VPS13A: variants seen among roughly 807,000 people sequenced by gnomAD.
VPS13A encodes the protein vacuolar protein sorting 13 homolog A.
VPS13A carries 264 observed loss-of-function variants against 390.9 expected under a neutral mutation model. That is an observed-to-expected ratio of 0.68 (90% CI 0.61 to 0.75). The LOEUF is 0.75. Among genes scored for constraint, VPS13A ranks in the 30% least tolerant of loss-of-function variants. The pLI is 0.00. For synonymous variants in VPS13A, 1,231 were observed against 1,227.1 expected, an observed-to-expected ratio of 1.00 and a Z score of -0.07; for missense variants, 3,409 against 3,733.9, an observed-to-expected ratio of 0.91 and a Z score of 2.27.
chr9:77,398,321 G>A (rs1301939818), intron 68 of VPS13A, among the ~76,000 whole-genome samples: 1 of 152,142 alleles, frequency 6.6e-6, no homozygotes, highest in Non-Finnish European at 1.5e-5. Flanking sequence ...GGAATTAGAA[G>A]TGAAGAATCC....
At chr9:77,314,378 A>G in intron 36 of VPS13A, 117 bp from the exon 37 acceptor site, 1 of 1,132,888 alleles carries the variant, frequency 8.8e-7, no homozygotes, top group Non-Finnish European at 1.3e-6. Flanking sequence ...AGCCCTTCGG[A>G]GACAGAATTT....
intron 45 of VPS13A, among the ~76,000 whole-genome samples, chr9:77,324,433 G>GT (rs1479468408): frequency 6.6e-6 from 1 of 152,092 alleles, no homozygotes; most frequent in African/African-American, 2.4e-5. Context: ...TCTATTCCTA[G>GT]TGTGCTGAGA....
chr9:77,200,632 CTGT>C (rs1825276763), intron 2 of VPS13A, among the ~76,000 whole-genome samples: 1 of 152,112 alleles, frequency 6.6e-6, no homozygotes, highest in Admixed American at 6.5e-5. Context: ...TCATAGCTTA[CTGT>C]AGGCCTCAGC....
intron 5 of VPS13A, among the ~76,000 whole-genome samples, chr9:77,207,213 TTATA>T (rs61703004): frequency 0.059 from 2,555 of 43,048 alleles, 99 homozygotes; most frequent in African/African-American, 0.1. Context: ...TATTTAGATA[TTATA>T]TATATATATA....
intron 26 of VPS13A, among the ~76,000 whole-genome samples, chr9:77,276,773 G>A (rs1826698919): frequency 6.6e-6 from 1 of 152,164 alleles, no homozygotes; most frequent in South Asian, 2.1e-4. Flanking sequence ...TTTGCACGTA[G>A]CTGCTAACCA....
chr9:77,230,749 C>CA (rs1307288365), intron 17 of VPS13A, among the ~76,000 whole-genome samples: 1 of 151,806 alleles, frequency 6.6e-6, no homozygotes, highest in African/African-American at 2.4e-5. Context: ...TCCATTTATG[C>CA]AAAAAAATAA....
At chr9:77,401,976 T>C (rs561615362) in intron 68 of VPS13A, among the ~76,000 whole-genome samples, 3 of 152,348 alleles carry the variant, frequency 2.0e-5, no homozygotes, top group South Asian at 4.1e-4. Flanking sequence ...ATAGAATATA[T>C]GTAGGGCTCA....
In VPS13A at chr9:77,293,375, T is replaced by C; in HGVS notation, c.3374T>C (p.Phe1125Ser). 6.2e-7 allele frequency: 1 copy of C among 1,613,404 alleles called. No individual in the cohort carries two copies. Among genetic ancestry groups the C allele is most frequent in the Non-Finnish European group, 8.5e-7 (1 of 1,179,664 alleles). ...VYITGKEVFS[F>S]KMVSYMDATA... ...ATCACTGGAAAAGAAGTTTTCAGCTTCAAAATGGTTTCTTACATGGATGCA... is the reference window on the plus strand; with the variant it reads ...ATCACTGGAAAAGAAGTTTTCAGCTCCAAAATGGTTTCTTACATGGATGCA... The change falls in exon 32 of 72, where the codon TTC becomes TCC. Residue 1125 changes from phenylalanine to serine, a missense_variant. Transcript: ENST00000360280.
At chr9:77,221,399 A>T in intron 13 of VPS13A, 43 bp downstream of exon 13, 1 of 1,602,246 alleles carries the variant, frequency 6.2e-7, no homozygotes, top group Non-Finnish European at 8.5e-7. Flanking sequence ...TATACTACAT[A>T]GCTCCTTATT....
At chr9:77,410,966 C>A (rs1834890495) in intron 71 of VPS13A, among the ~76,000 whole-genome samples, 2 of 152,148 alleles carry the variant, frequency 1.3e-5, no homozygotes, top group African/African-American at 4.8e-5. Context: ...ACTCTCCACC[C>A]CAAATCAACA....
chr9:77,345,923 G>A (rs2131525994), intron 52 of VPS13A, among the ~76,000 whole-genome samples: 1 of 152,056 alleles, frequency 6.6e-6, no homozygotes, highest in Admixed American at 6.6e-5. Context: ...TAAGAAAGAG[G>A]GATGCCTGTT....
chr9:77,203,422 G>C (rs1825445442), intron 3 of VPS13A, among the ~76,000 whole-genome samples: 1 of 152,000 alleles, frequency 6.6e-6, no homozygotes, highest in Non-Finnish European at 1.5e-5. Flanking sequence ...CGAGTAGCTG[G>C]GACTACAGGT....
At chr9:77,200,782 C>A (rs554574425) in intron 2 of VPS13A, among the ~76,000 whole-genome samples, 1 of 152,130 alleles carries the variant, frequency 6.6e-6, no homozygotes, top group South Asian at 2.1e-4. Flanking sequence ...AATCTAATGT[C>A]GTGAAGATTT....
chr9:77,323,723 A>G (rs1355860372), intron 45 of VPS13A, among the ~76,000 whole-genome samples: 2 of 152,138 alleles, frequency 1.3e-5, no homozygotes, highest in African/African-American at 4.8e-5. Flanking sequence ...TCCCATTCCC[A>G]GGCATCCACT....
chr9:77,264,791 T>G (rs1001893482), intron 23 of VPS13A, among the ~76,000 whole-genome samples: 17 of 152,168 alleles, frequency 1.1e-4, no homozygotes, highest in Admixed American at 9.8e-4. Flanking sequence ...CCTTTATTTC[T>G]TTCTCTTGCC....
At chr9:77,366,601 A>G (rs1195109991) in intron 60 of VPS13A, 126 bp from the exon 61 acceptor site, 3 of 800,874 alleles carry the variant, frequency 3.7e-6, no homozygotes, top group African/African-American at 3.5e-5. Flanking sequence ...TGATTTTAAC[A>G]TAATCCAGAT....
rs955568508 is a variant in VPS13A at position 77,238,188 on chromosome 9, T to A, written c.1782T>A (p.Asp594Glu). The A allele has an allele frequency of 6.2e-7, 1 of 1,612,754 alleles. No homozygotes were observed. The highest frequency in any genetic ancestry group is 8.5e-7 in the Non-Finnish European group (1 of 1,179,052). ...IEAEPLEIIYDARTVNSIVEF... is the reference protein window; with the variant it reads ...IEAEPLEIIYEARTVNSIVEF... ...CTGAACCTTTAGAAATCATATATGATGCAGTAAGCATTTTTTTAAATTACT... is the reference window on the plus strand; with the variant it reads ...CTGAACCTTTAGAAATCATATATGAAGCAGTAAGCATTTTTTTAAATTACT... The change falls in exon 18 of 72, where the codon GAT (aspartate) becomes GAA (glutamate). Residue 594 changes from aspartate to glutamate, a missense_variant. Asp to Glu is a conservative substitution (Grantham distance 45). This residue lies in a region of VPS13A where 2,717 missense variants were observed against 2,917.4 expected (regional missense o/e 0.93). Coordinates refer to ENST00000360280, the MANE Select transcript of VPS13A (RefSeq NM_033305.3).
chr9:77,261,234 T>C (rs2131296370), intron 23 of VPS13A, among the ~76,000 whole-genome samples: 1 of 152,256 alleles, frequency 6.6e-6, no homozygotes, highest in South Asian at 2.1e-4. Flanking sequence ...ATGAAATCAT[T>C]ATACACACTA....
chr9:77,194,416 C>G (rs1245732728), intron 1 of VPS13A, among the ~76,000 whole-genome samples: 1 of 152,054 alleles, frequency 6.6e-6, no homozygotes, highest in Non-Finnish European at 1.5e-5. Flanking sequence ...TAGTTCTGTT[C>G]TGTCTAGGTC....
Sources: allele counts gnomAD v4.1 joint callset (sites outside exome capture counted in the v4.1 genomes callset), GRCh38; gene constraint gnomAD v4.1.1; regional missense constraint gnomAD v4.1.1; transcripts MANE v1.5; gene names NCBI Gene and HGNC (gene_info 2026-07-23, HGNC 2026-07-21).